NCAM2: variants seen among roughly 807,000 people sequenced by gnomAD.
NCAM2 encodes neural cell adhesion molecule 2.
In NCAM2, 30 loss-of-function variants were observed where a neutral mutation model predicts 98.1. The ratio of observed to expected loss-of-function variants is 0.31; its 90% CI spans 0.23 to 0.41. The LOEUF (loss-of-function observed/expected upper bound fraction) is 0.41. Among genes scored for constraint, NCAM2 ranks in the 10% least tolerant of loss-of-function variants. The pLI is 1.00. For missense variants in NCAM2, 867 were observed against 1,005.8 expected (o/e 0.86, Z 1.87); for synonymous variants, 368 against 342.4 (o/e 1.07, Z -0.83).
intron 12 of NCAM2, among the ~76,000 whole-genome samples, chr21:21,459,265 A>G (rs1051421129): frequency 1.3e-5 from 2 of 151,970 alleles, no homozygotes; most frequent in African/African-American, 4.8e-5. Flanking sequence ...AAATAGTATG[A>G]CATTTCTTAA....
chr21:21,065,658 A>T (rs1009943329), intron 1 of NCAM2, among the ~76,000 whole-genome samples: 1 of 152,136 alleles, frequency 6.6e-6, no homozygotes, highest in Non-Finnish European at 1.5e-5. Context: ...TTCATTGAGG[A>T]TGGCTATTTC....
chr21:21,286,197 G>A (rs1199157032), intron 3 of NCAM2, 72 bp from the exon 4 acceptor site: 5 of 1,450,388 alleles, frequency 3.4e-6, no homozygotes, highest in Non-Finnish European at 4.7e-6. Context: ...TCTGGATTAT[G>A]TTATTGGGAG....
intron 12 of NCAM2, among the ~76,000 whole-genome samples, chr21:21,452,010 T>C (rs1981152044): frequency 6.6e-6 from 1 of 152,058 alleles, no homozygotes; most frequent in African/African-American, 2.4e-5. Context: ...CAAATATTTG[T>C]CCTGCCTACT....
chr21:21,364,953 T>A (rs374212616), intron 8 of NCAM2, among the ~76,000 whole-genome samples: 17 of 152,208 alleles, frequency 1.1e-4, no homozygotes, highest in African/African-American at 4.1e-4. Context: ...AGCACATTGA[T>A]CCCCAAGAGA....
At chr21:21,177,917 T>A (rs750161024) in intron 1 of NCAM2, among the ~76,000 whole-genome samples, 57 of 152,130 alleles carry the variant, frequency 3.7e-4, no homozygotes, top group Non-Finnish European at 7.6e-4. Flanking sequence ...CAATGTTAAT[T>A]ATAGGTAAGT....
At chr21:21,437,388 C>G (rs997350841) in intron 12 of NCAM2, among the ~76,000 whole-genome samples, 1 of 151,574 alleles carries the variant, frequency 6.6e-6, no homozygotes, top group Admixed American at 6.6e-5. Context: ...CTCACCAGAT[C>G]GATCATGTGA....
chr21:21,345,421 CAG>C (rs1157783570), intron 8 of NCAM2, among the ~76,000 whole-genome samples: 1 of 151,950 alleles, frequency 6.6e-6, no homozygotes, highest in East Asian at 1.9e-4. Context: ...ATCAATCTAA[CAG>C]AGATTGAAAT....
intron 5 of NCAM2, among the ~76,000 whole-genome samples, chr21:21,311,157 A>T (rs2147716488): frequency 6.6e-6 from 1 of 152,280 alleles, no homozygotes; most frequent in East Asian, 1.9e-4. Flanking sequence ...AAGGAGCTTT[A>T]TATTAGTTTT....
chr21:21,054,564 G>A (rs892134719), intron 1 of NCAM2, among the ~76,000 whole-genome samples: 1 of 151,900 alleles, frequency 6.6e-6, no homozygotes, highest in Non-Finnish European at 1.5e-5. Flanking sequence ...AATTACCCAA[G>A]TGTTAACACA....
chr21:21,512,888 T>A (rs1453033512), intron 16 of NCAM2, among the ~76,000 whole-genome samples: 2 of 152,076 alleles, frequency 1.3e-5, no homozygotes, highest in African/African-American at 4.8e-5. Context: ...TCAAATTGTT[T>A]CCTGTTGACA....
intron 1 of NCAM2, among the ~76,000 whole-genome samples, chr21:21,146,250 T>G (rs1354178484): frequency 6.6e-6 from 1 of 151,994 alleles, no homozygotes; most frequent in Non-Finnish European, 1.5e-5. Flanking sequence ...ACTATTTCCA[T>G]TGGTGTTATC....
intron 14 of NCAM2, among the ~76,000 whole-genome samples, chr21:21,475,678 T>C (rs1985074838): frequency 6.6e-6 from 1 of 152,216 alleles, no homozygotes; most frequent in Non-Finnish European, 1.5e-5. Context: ...GCCATTTTTA[T>C]AAAAACAGAT....
chr21:21,478,514 C>T (rs758114559), intron 15 of NCAM2, among the ~76,000 whole-genome samples: 1 of 151,826 alleles, frequency 6.6e-6, no homozygotes, highest in African/African-American at 2.4e-5. Context: ...TTATATCATA[C>T]ATCAGTTGTT....
chr21:21,201,143 A>G (rs978102730), intron 1 of NCAM2, among the ~76,000 whole-genome samples: 3 of 152,076 alleles, frequency 2.0e-5, no homozygotes, highest in Non-Finnish European at 4.4e-5. Context: ...CAACTTTCCC[A>G]TTTTCATCCC....
intron 16 of NCAM2, among the ~76,000 whole-genome samples, chr21:21,520,613 C>T (rs1045411729): frequency 6.6e-6 from 1 of 152,112 alleles, no homozygotes; most frequent in African/African-American, 2.4e-5. Context: ...TTAAAAGTTG[C>T]CACTCTCTCC....
At chr21:21,329,365 G>A (rs968048686) in intron 6 of NCAM2, among the ~76,000 whole-genome samples, 2 of 151,956 alleles carry the variant, frequency 1.3e-5, no homozygotes, top group Non-Finnish European at 2.9e-5. Flanking sequence ...GTAACATACC[G>A]TACAAGTTTG....
At chr21:21,430,687 A>G (rs1254471029) in intron 11 of NCAM2, among the ~76,000 whole-genome samples, 1 of 151,862 alleles carries the variant, frequency 6.6e-6, no homozygotes, top group African/African-American at 2.4e-5. Flanking sequence ...GCATGGAGAA[A>G]CCGCCCCCAT....
intron 17 of NCAM2, among the ~76,000 whole-genome samples, chr21:21,535,715 G>T (rs1394922429): frequency 6.6e-6 from 1 of 151,996 alleles, no homozygotes; most frequent in Admixed American, 6.6e-5. Context: ...CTTCACTTTA[G>T]AAATAAGAGG....
intron 9 of NCAM2, among the ~76,000 whole-genome samples, chr21:21,380,885 T>C (rs1427883806): frequency 6.6e-6 from 1 of 151,812 alleles, no homozygotes; most frequent in Non-Finnish European, 1.5e-5. Context: ...GAATATCCCC[T>C]TTCATCAGAA....
Sources: gnomAD v4.1 joint callset for allele counts (sites outside exome capture counted in the v4.1 genomes callset) on GRCh38, gnomAD v4.1.1 for gene constraint, MANE v1.5 for transcripts, NCBI Gene and HGNC (gene_info 2026-07-23, HGNC 2026-07-21) for gene names.